Variants in ATG16L1 observed in about 807,000 individuals in gnomAD.
The protein encoded by ATG16L1 is autophagy related 16 like 1, also known as autophagy-related protein 16-1.
A neutral mutation model predicts 88.5 loss-of-function variants in ATG16L1; 37 were observed. The observed-to-expected ratio is 0.42, with a 90% confidence interval of 0.32 to 0.55. The LOEUF is 0.55. Ranked by LOEUF, ATG16L1 falls within the 20% of genes least tolerant of loss-of-function variation. ATG16L1 has a pLI of 0.13. For missense variants in ATG16L1, 554 were observed against 752.8 expected (o/e 0.74, Z 3.09); for synonymous variants, 301 against 281.0 (o/e 1.07, Z -0.71).
Position 233,273,882 on chromosome 2 carries a change from G to A in ATG16L1, c.851+105G>A, listed in dbSNP as rs1302910924. On this transcript the variant is annotated intron_variant, in intron 8 of 17. Coordinates refer to ENST00000392017, the MANE Select transcript of ATG16L1 (RefSeq NM_030803.7). ...ATGTACACCAGGTGTCAGTGATGCA[G>A]AGTATACATATGCCTTAATATCAGC... The A allele has an allele frequency of 3.3e-6, 5 of 1,508,252 alleles. No individual in the cohort carries two copies. In the African/African-American group the frequency reaches 5.6e-5, roughly 17 times the overall value. 93.4% of individuals were successfully genotyped at this position (1,508,252 alleles called of 1,614,324 possible).
chr2:233,270,509 T>G (rs947569131), intron 6 of ATG16L1, among the ~76,000 whole-genome samples: 1 of 152,236 alleles, frequency 6.6e-6, no homozygotes, highest in African/African-American at 2.4e-5. Flanking sequence ...GCTGTGAATG[T>G]GAATTCTAAC....
chr2:233,276,342 C>T (rs988751891), intron 9 of ATG16L1, among the ~76,000 whole-genome samples: 4 of 152,126 alleles, frequency 2.6e-5, no homozygotes, highest in South Asian at 2.1e-4. Context: ...TCCAAACATA[C>T]GCAGTATCTC....
In ATG16L1 at chr2:233,294,434, G is replaced by A. The variant is rs1699677090; in HGVS notation, c.*84G>A. The A allele has an allele frequency of 1.8e-6, 2 of 1,129,472 alleles. No homozygotes were observed. Among genetic ancestry groups the A allele is most frequent in the Non-Finnish European group, 1.3e-6 (1 of 768,514 alleles). 70.0% of individuals were successfully genotyped at this position (1,129,472 alleles called of 1,614,324 possible). Reference sequence around the variant, plus strand: ...CTGCAGCCCTGTCCTGGCAGGTGATGTGCTGGGTATAGCATGGACCTCCCA... The same window carrying A: ...CTGCAGCCCTGTCCTGGCAGGTGATATGCTGGGTATAGCATGGACCTCCCA... On this transcript the variant is annotated 3_prime_UTR_variant, in exon 18 of 18. Coordinates refer to ENST00000392017, the MANE Select transcript of ATG16L1 (RefSeq NM_030803.7).
At chr2:233,286,541 T>A (rs1480774847) in intron 12 of ATG16L1, among the ~76,000 whole-genome samples, 1 of 151,532 alleles carries the variant, frequency 6.6e-6, no homozygotes, top group South Asian at 2.1e-4. Context: ...CTCTATACCA[T>A]TGGAAGCACC....
In ATG16L1 at chr2:233,288,277, C is replaced by CA. The variant is rs564949534; in HGVS notation, c.1204-1569dup. Among the ~76,000 whole-genome samples, 11 of 152,062 alleles carry CA rather than the reference C, an allele frequency of 7.2e-5. No individual in the cohort carries two copies. In the East Asian group the frequency reaches 1.7e-3, roughly 24 times the overall value. On this transcript the variant is annotated intron_variant, in intron 12 of 17. Transcript: ENST00000392017. Reference sequence around the variant, plus strand: ...AGGATTGGTTTCAAAAATGTTAACACAAAAAAAATCTAACCCTGAACCATG... The same window carrying CA: ...AGGATTGGTTTCAAAAATGTTAACACAAAAAAAAATCTAACCCTGAACCATG...
intron 3 of ATG16L1, among the ~76,000 whole-genome samples, chr2:233,263,475 A>T (rs533672778): frequency 1.4e-4 from 21 of 152,316 alleles, no homozygotes; most frequent in African/African-American, 4.8e-4. Context: ...CTCCAAAATC[A>T]GCATGAGAGG....
At chr2:233,289,613 A>C (rs1699324589) in intron 12 of ATG16L1, among the ~76,000 whole-genome samples, 1 of 152,144 alleles carries the variant, frequency 6.6e-6, no homozygotes, top group Non-Finnish European at 1.5e-5. Flanking sequence ...GCTGTTCTTG[A>C]ACTCCTGGGC....
chr2:233,292,522 T>C (rs1279863069), intron 16 of ATG16L1, 88 bp downstream of exon 16: 26 of 1,534,870 alleles, frequency 1.7e-5, no homozygotes, highest in Non-Finnish European at 2.2e-5. Flanking sequence ...GAGCTAAATT[T>C]TGTTCAGTGC....
Position 233,273,733 on chromosome 2 carries a change from G to A in ATG16L1, c.807G>A (p.Ser269=), listed in dbSNP as rs777956010. The change falls in exon 8 of 18, where the codon TCG becomes TCA. Residue 269 remains serine (S), a synonymous_variant. Coordinates refer to ENST00000392017, the MANE Select transcript of ATG16L1 (RefSeq NM_030803.7). ...CCCTCCTCTTTAGTAAGCGACTCTC[G>A]CAGCCTGCTGGAGGCCTTCTGGATT... ...AISRAATKRL[S]QPAGGLLDSI... 1.4e-5 allele frequency: 23 copies of A among 1,614,024 alleles called. No individual in the cohort carries two copies. The highest frequency in any genetic ancestry group is 2.2e-5 in the East Asian group (1 of 44,904).
At chr2:233,263,894 A>C (rs1199143021) in intron 3 of ATG16L1, 98 bp from the exon 4 acceptor site, 25 of 1,224,150 alleles carry the variant, frequency 2.0e-5, no homozygotes, top group Non-Finnish European at 2.5e-5. Flanking sequence ...CACCCAGCTC[A>C]TTTATTCTTT....
intron 12 of ATG16L1, among the ~76,000 whole-genome samples, chr2:233,284,188 G>T (rs1447837561): frequency 6.8e-6 from 1 of 147,396 alleles, no homozygotes; most frequent in Non-Finnish European, 1.5e-5. Context: ...GGAGCCTGTT[G>T]CCCAGGCTGG....
chr2:233,293,378 G>GC (rs754425486), intron 17 of ATG16L1, 21 bp downstream of exon 17: 11 of 1,600,874 alleles, frequency 6.9e-6, no homozygotes, highest in Non-Finnish European at 8.6e-6. Flanking sequence ...CCCTGTCTCA[G>GC]CCCCCCGTTG....
chr2:233,262,113 G>T (rs1460030687), intron 2 of ATG16L1, among the ~76,000 whole-genome samples: 1 of 152,130 alleles, frequency 6.6e-6, no homozygotes, highest in Non-Finnish European at 1.5e-5. Flanking sequence ...CCTTCTACCA[G>T]TTGCTCAGGC....
At chr2:233,275,852 C>T (rs926006624) in intron 9 of ATG16L1, 2 of 519,072 alleles carry the variant, frequency 3.9e-6, no homozygotes, top group African/African-American at 3.9e-5. Flanking sequence ...GATCATGGAG[C>T]AGCTGATAAT....
intron 5 of ATG16L1, 34 bp downstream of exon 5, chr2:233,265,177 C>G: frequency 6.2e-7 from 1 of 1,609,916 alleles, no homozygotes; most frequent in African/African-American, 1.3e-5. Flanking sequence ...TGGTTTCCAT[C>G]CTTAGTAGAG....
intron 12 of ATG16L1, among the ~76,000 whole-genome samples, chr2:233,288,077 C>A (rs13390554): frequency 0.015 from 2,326 of 152,166 alleles, 58 homozygotes; most frequent in African/African-American, 0.053. Flanking sequence ...GCACAGCCGG[C>A]ACCCGACTGG....
chr2:233,294,378 A>C lies in ATG16L1; in HGVS notation c.*28A>C, dbSNP rs531391340. 1.3e-6 allele frequency: 2 copies of C among 1,585,624 alleles called. No individual in the cohort carries two copies. The highest frequency in any genetic ancestry group is 2.7e-5 in the African/African-American group (2 of 74,444). ...GGGCTCTCAGGGCTGGGAGGACCCC[A>C]GTGCCCTCCTCAGAAGAAGCACATG... On this transcript the variant is annotated 3_prime_UTR_variant, in exon 18 of 18. Coordinates refer to ENST00000392017, the MANE Select transcript of ATG16L1 (RefSeq NM_030803.7).
At chr2:233,273,252 T>C in intron 7 of ATG16L1, 200 bp downstream of exon 7, 1 of 563,224 alleles carries the variant, frequency 1.8e-6, no homozygotes, top group African/African-American at 1.9e-5. Context: ...AGAACACGGG[T>C]GGCTTCAAAT....
At chr2:233,264,181 A>C (rs563855798) in intron 4 of ATG16L1, 116 bp downstream of exon 4, 53 of 1,015,392 alleles carry the variant, frequency 5.2e-5, no homozygotes, top group Non-Finnish European at 8.0e-5. Flanking sequence ...ACTTAGCGAG[A>C]GTTTGATTTT....
Sources: gnomAD v4.1 joint callset for allele counts (sites outside exome capture counted in the v4.1 genomes callset) on GRCh38, gnomAD v4.1.1 for gene constraint, MANE v1.5 for transcripts, NCBI Gene and HGNC (gene_info 2026-07-23, HGNC 2026-07-21) for gene names.